Variants in DOCK2 observed in about 807,000 individuals in gnomAD.
The protein encoded by DOCK2 is dedicator of cytokinesis protein 2.
In DOCK2, 87 loss-of-function variants were observed where a neutral mutation model predicts 248.9. The ratio of observed to expected loss-of-function variants is 0.35; its 90% CI spans 0.29 to 0.42. The LOEUF is 0.42. Among genes scored for constraint, DOCK2 ranks in the 10% least tolerant of loss-of-function variants. The pLI is 1.00. For missense variants in DOCK2, 1,747 were observed against 2,300.2 expected, an observed-to-expected ratio of 0.76 and a Z score of 4.92; for synonymous variants, 805 against 821.6, an observed-to-expected ratio of 0.98 and a Z score of 0.35.
intron 30 of DOCK2, among the ~76,000 whole-genome samples, chr5:170,004,004 C>T (rs1754930293): frequency 1.3e-5 from 2 of 152,190 alleles, no homozygotes; most frequent in Admixed American, 6.5e-5. Context: ...CAGCTACAGC[C>T]TCATGGCTCA....
intron 33 of DOCK2, among the ~76,000 whole-genome samples, chr5:170,026,561 T>C (rs1327126011): frequency 6.6e-6 from 1 of 152,164 alleles, no homozygotes; most frequent in East Asian, 1.9e-4. Flanking sequence ...TATTTTTTAA[T>C]GGTAAAATGA....
At chr5:169,805,544 T>A (rs1401502803) in intron 26 of DOCK2, among the ~76,000 whole-genome samples, 2 of 152,220 alleles carry the variant, frequency 1.3e-5, no homozygotes, top group Non-Finnish European at 2.9e-5. Flanking sequence ...GTTTGGGGGA[T>A]CCAGTTATAA....
rs1188152804 is a variant in DOCK2 at position 169,689,313 on chromosome 5, A to C, written c.823A>C (p.Asn275His). 4 of 1,613,996 alleles carry C rather than the reference A, an allele frequency of 2.5e-6. No homozygotes were observed. The highest frequency in any genetic ancestry group is 3.4e-6 in the Non-Finnish European group (4 of 1,179,956). The change falls in exon 9 of 52, where the codon AAT (asparagine) becomes CAT (histidine). Residue 275 changes from asparagine (N) to histidine (H), a missense_variant. Physicochemically the swap from Asn to His is moderately conservative, Grantham distance 68. Transcript: ENST00000520908. ...CCCTAAGGAGATTGAGATGCTCAAC[A>C]ATCTGAAGGTGGTCTTCACGGTGAG... ...GFPKEIEMLN[N>H]LKVVFTDLGN... is the part of the protein sequence containing the mutation.
intron 22 of DOCK2, among the ~76,000 whole-genome samples, chr5:169,734,777 G>T (rs1762950234): frequency 6.6e-6 from 1 of 152,150 alleles, no homozygotes; most frequent in Admixed American, 6.5e-5. Flanking sequence ...TGAAGAAGAT[G>T]CAACAAACTG....
intron 25 of DOCK2, among the ~76,000 whole-genome samples, chr5:169,765,070 GCACACACACACACACACA>G (rs142755026): frequency 2.0e-5 from 3 of 146,500 alleles, no homozygotes; most frequent in Non-Finnish European, 4.5e-5. Flanking sequence ...CTCTTTTAGC[GCACACACACACACACACA>G]CACACACACA....
At chr5:169,948,370 G>T (rs567638309) in intron 27 of DOCK2, among the ~76,000 whole-genome samples, 2 of 152,060 alleles carry the variant, frequency 1.3e-5, no homozygotes, top group Non-Finnish European at 2.9e-5. Flanking sequence ...GAGATGGGTA[G>T]GGGGAGAATG....
chr5:169,910,477 G>A (rs907482247), intron 27 of DOCK2, among the ~76,000 whole-genome samples: 2 of 152,142 alleles, frequency 1.3e-5, no homozygotes, highest in African/African-American at 4.8e-5. Flanking sequence ...TGCCGCCTGT[G>A]GTTGGAGGCG....
chr5:169,988,740 G>A (rs569642337), intron 29 of DOCK2, among the ~76,000 whole-genome samples: 40 of 152,198 alleles, frequency 2.6e-4, no homozygotes, highest in Non-Finnish European at 2.9e-4. Flanking sequence ...TTGAACTCCC[G>A]ACCTCAGGTG....
At chr5:170,007,613 A>T (rs1017780539) in intron 30 of DOCK2, among the ~76,000 whole-genome samples, 2 of 152,086 alleles carry the variant, frequency 1.3e-5, no homozygotes, top group Admixed American at 1.3e-4. Context: ...TGGACCTATA[A>T]TATCTCTGGT....
chr5:169,854,808 C>T (rs925450118), intron 27 of DOCK2, among the ~76,000 whole-genome samples: 1 of 152,128 alleles, frequency 6.6e-6, no homozygotes, highest in Admixed American at 6.6e-5. Flanking sequence ...CAATTGTGTC[C>T]CCCCAGAATT....
intron 25 of DOCK2, among the ~76,000 whole-genome samples, chr5:169,775,535 G>A (rs1255184815): frequency 1.3e-5 from 2 of 151,972 alleles, no homozygotes; most frequent in Non-Finnish European, 2.9e-5. Flanking sequence ...CAGAATAGCA[G>A]TCTCTGGTGC....
At chr5:169,965,608 A>G (rs1398850743) in intron 27 of DOCK2, among the ~76,000 whole-genome samples, 1 of 152,132 alleles carries the variant, frequency 6.6e-6, no homozygotes, top group African/African-American at 2.4e-5. Flanking sequence ...ATGTCGGGAG[A>G]GCTGGTGGCA....
At chr5:169,968,838 G>A (rs911569099) in intron 27 of DOCK2, among the ~76,000 whole-genome samples, 1 of 152,200 alleles carries the variant, frequency 6.6e-6, no homozygotes, top group Non-Finnish European at 1.5e-5. Context: ...GGCACAGGGA[G>A]AATAGAGAAG....
At chr5:170,005,111 G>A (rs2113806479) in intron 30 of DOCK2, among the ~76,000 whole-genome samples, 1 of 151,484 alleles carries the variant, frequency 6.6e-6, no homozygotes, top group East Asian at 1.9e-4. Flanking sequence ...TACAACATGG[G>A]TGAACCTTGA....
intron 27 of DOCK2, among the ~76,000 whole-genome samples, chr5:169,933,874 G>T (rs1192352540): frequency 6.6e-6 from 1 of 152,144 alleles, no homozygotes; most frequent in Non-Finnish European, 1.5e-5. Context: ...TGAACAGAGC[G>T]TGCTCCAGGG....
At chr5:170,061,817 G>C (rs1024648499) in intron 44 of DOCK2, among the ~76,000 whole-genome samples, 14 of 152,204 alleles carry the variant, frequency 9.2e-5, no homozygotes, top group Admixed American at 1.3e-4. Flanking sequence ...TTCAAATGCA[G>C]GTGTGTTGCT....
chr5:169,837,163 A>C (rs1230952221), intron 26 of DOCK2, among the ~76,000 whole-genome samples: 1 of 135,466 alleles, frequency 7.4e-6, no homozygotes, highest in African/African-American at 3.4e-5. Context: ...ATAATTATTA[A>C]AAGAAAAAAA....
intron 35 of DOCK2, among the ~76,000 whole-genome samples, chr5:170,035,467 G>T (rs1164136871): frequency 1.3e-5 from 2 of 152,096 alleles, no homozygotes; most frequent in African/African-American, 2.4e-5. Context: ...AAATCCCGAT[G>T]ACAGCAGAAA....
intron 25 of DOCK2, among the ~76,000 whole-genome samples, chr5:169,781,272 A>AT (rs1451878297): frequency 6.6e-6 from 1 of 152,098 alleles, no homozygotes; most frequent in Non-Finnish European, 1.5e-5. Context: ...CTGGGAATTG[A>AT]TTTTTTTTCT....
Sources: gnomAD v4.1 joint callset for allele counts (sites outside exome capture counted in the v4.1 genomes callset) on GRCh38, gnomAD v4.1.1 for gene constraint, MANE v1.5 for transcripts, NCBI Gene and HGNC (gene_info 2026-07-23, HGNC 2026-07-21) for gene names.